Variants in SPATA2L observed in about 807,000 individuals in gnomAD.
The protein encoded by SPATA2L is spermatogenesis associated 2 like, also known as spermatogenesis-associated protein 2-like protein.
A neutral mutation model predicts 8.7 loss-of-function variants in SPATA2L; 5 were observed. That is an observed-to-expected ratio of 0.57 (90% CI 0.30 to 1.21). The LOEUF (loss-of-function observed/expected upper bound fraction) is 1.21, where lower values mean the gene tolerates loss of function less well. SPATA2L is among the 50% of genes most tolerant of loss of function. The probability of loss-of-function intolerance (pLI) is 0.07; values close to 1 mark genes in which losing one functional copy is unlikely to be tolerated. For synonymous variants in SPATA2L, 358 were observed against 275.8 expected, an observed-to-expected ratio of 1.30 and a Z score of -2.95; for missense variants, 671 against 591.0, an observed-to-expected ratio of 1.14 and a Z score of -1.40.
At position 89,698,172 on chromosome 16, in the gene SPATA2L, CA is replaced by C. The variant is rs2060750013; in HGVS notation, c.436del (p.Cys146AlafsTer171). On this transcript the variant is annotated frameshift_variant, in exon 3 of 3. Coordinates refer to ENST00000289805, the MANE Select transcript of SPATA2L (RefSeq NM_152339.4). LOFTEE classifies it low-confidence loss of function (END_TRUNC). ...GCCCAGGGCCACCTGCACCAGCTGG[CA>C]GGCGGGGGGCAGGGCGGTCACCATG... ...RLMVTALPPA[C>X]QLVQVALGCF... 1 of 1,612,482 alleles carries C rather than the reference CA, an allele frequency of 6.2e-7. No individual in the cohort carries two copies. The highest frequency in any genetic ancestry group is 1.3e-5 in the African/African-American group (1 of 74,934).
In SPATA2L at chr16:89,697,192, G is replaced by A. The variant is rs1158169050; in HGVS notation, c.*142C>T. On this transcript the variant is annotated 3_prime_UTR_variant, in exon 3 of 3. Coordinates refer to ENST00000289805, the MANE Select transcript of SPATA2L (RefSeq NM_152339.4). ...TACAGAGAGTCCCACCTCCAGCAAGGGTTGGCCTGGACTCTCCAACCCCCT... is the reference window on the plus strand; with the variant it reads ...TACAGAGAGTCCCACCTCCAGCAAGAGTTGGCCTGGACTCTCCAACCCCCT... The A allele has an allele frequency of 2.2e-6, 3 of 1,377,766 alleles. No homozygotes were observed. Among genetic ancestry groups the A allele is most frequent in the East Asian group, 2.6e-5 (1 of 38,102 alleles). The allele number at this position is 1,377,766 out of a possible 1,614,324, so 85.3% of individuals were successfully genotyped here.
rs911405599 is a variant in SPATA2L, at chr16:89,696,707, C to T, written c.*627G>A. ...GCCTTCCCAGCTGTCAGCCACTGCCCGTTCCTGCGCCTCTCGTGCACCTCC... is the reference window on the plus strand; with the variant it reads ...GCCTTCCCAGCTGTCAGCCACTGCCTGTTCCTGCGCCTCTCGTGCACCTCC... On this transcript the variant is annotated 3_prime_UTR_variant, in exon 3 of 3. Transcript: ENST00000289805. 26 of 1,362,832 alleles carry T rather than the reference C, an allele frequency of 1.9e-5. No individual in the cohort carries two copies. The highest frequency in any genetic ancestry group is 7.2e-5 in the African/African-American group (5 of 69,704). 84.4% of individuals were successfully genotyped at this position (1,362,832 alleles called of 1,614,324 possible). A position where few individuals can be genotyped will look rare whatever the true frequency, so the allele number is the denominator to read the frequency against.
Position 89,701,546 on chromosome 16 carries a change from C to T in SPATA2L, c.-2+82G>A, listed in dbSNP as rs913118407. 56 of 336,436 alleles carry T rather than the reference C, an allele frequency of 1.7e-4. No homozygotes were observed. The East Asian group carries it at 2.5e-3, about 15-fold the overall frequency. 20.8% of individuals were successfully genotyped at this position (336,436 alleles called of 1,614,324 possible). The stretch of plus-strand genomic sequence containing the variant: ...GACCGCACCCTTCTCTAGAGACGCG[C>T]TTCCGCCCGCTGAGCCCTCTCCCGA... On this transcript the variant is annotated intron_variant, in intron 1 of 2. Transcript: ENST00000289805.
chr16:89,696,654 C>A lies in SPATA2L; in HGVS notation c.*680G>T, dbSNP rs959732709. 3 of 962,102 alleles carry A rather than the reference C, an allele frequency of 3.1e-6. No homozygotes were observed. The highest frequency in any genetic ancestry group is 4.5e-6 in the Non-Finnish European group (3 of 661,446). 59.6% of individuals were successfully genotyped at this position (962,102 alleles called of 1,614,324 possible). On this transcript the variant is annotated 3_prime_UTR_variant, in exon 3 of 3. Coordinates refer to ENST00000289805, the MANE Select transcript of SPATA2L (RefSeq NM_152339.4). ...CGCCTGGGCGGGCTGTCCACAGGCC[C>A]TTCCGCCCAGCAGCAGTGACGCTCA...
Position 89,697,915 on chromosome 16 carries a change from G to C in SPATA2L, c.694C>G (p.Gln232Glu). ...GCGTCCTCCGACCCCTCGTCTTCCTGCAAGTCCCGGTATAAGTCCAGTGGG... is the reference window on the plus strand; with the variant it reads ...GCGTCCTCCGACCCCTCGTCTTCCTCCAAGTCCCGGTATAAGTCCAGTGGG... ...RAPLDLYRDLQEDEGSEDASL... is the reference protein window; with the variant it reads ...RAPLDLYRDLEEDEGSEDASL... The change falls in exon 3 of 3, where the codon CAG becomes GAG. Residue 232 changes from glutamine to glutamate, a missense_variant. Coordinates refer to ENST00000289805, the MANE Select transcript of SPATA2L (RefSeq NM_152339.4). 2 of 1,611,514 alleles carry C rather than the reference G, an allele frequency of 1.2e-6. No individual in the cohort carries two copies. The highest frequency in any genetic ancestry group is 1.7e-6 in the Non-Finnish European group (2 of 1,179,512).
rs2060734000 is a variant in SPATA2L, at chr16:89,696,950, A to C, written c.*384T>G. On this transcript the variant is annotated 3_prime_UTR_variant, in exon 3 of 3. Transcript: ENST00000289805. ...CCCTGGGACACGTGGAGGACCCCCA[A>C]GTCCTGAGCCCCGTACTCCGTACTG... 3 of 1,504,536 alleles carry C rather than the reference A, an allele frequency of 2.0e-6. No homozygotes were observed. Among genetic ancestry groups the C allele is most frequent in the South Asian group, 1.3e-5 (1 of 79,946 alleles). 93.2% of individuals were successfully genotyped at this position (1,504,536 alleles called of 1,614,324 possible). A position where few individuals can be genotyped will look rare whatever the true frequency, so the allele number is the denominator to read the frequency against.
chr16:89,700,786 C>G (rs1007793999), intron 2 of SPATA2L, 144 bp downstream of exon 2: 3 of 944,812 alleles, frequency 3.2e-6, no homozygotes, highest in African/African-American at 3.5e-5. Context: ...CACGACCCCT[C>G]AGCGCTCGGA....
In SPATA2L at chr16:89,701,277, G is replaced by A. The variant is rs922587154; in HGVS notation, c.-1-44C>T. On this transcript the variant is annotated intron_variant, in intron 1 of 2. Coordinates refer to ENST00000289805, the MANE Select transcript of SPATA2L (RefSeq NM_152339.4). ...GGGGGGGTCAGGGACCTAAGGCCGC[G>A]CCCAGCCCGCCGCGCTCTCCCCGAA... 3.6e-4 allele frequency: 482 copies of A among 1,351,454 alleles called. 2 individuals carry two copies. Among genetic ancestry groups the A allele is most frequent in the Middle Eastern group, 5.5e-4 (2 of 3,652 alleles). The allele number at this position is 1,351,454 out of a possible 1,614,324, so 83.7% of individuals were successfully genotyped here. A position where few individuals can be genotyped will look rare whatever the true frequency, so the allele number is the denominator to read the frequency against.
At position 89,700,984 on chromosome 16, in the gene SPATA2L, G is replaced by T; in HGVS notation, c.249C>A (p.Leu83=). ...GLARAFELLE[L]AAVHLYLLPW... ...GCAGCAGGTACAGGTGCACCGCGGC[G>T]AGCTCCAGAAGCTCGAAGGCGCGAG... is the stretch of plus-strand genomic sequence containing the variant. The change falls in exon 2 of 3, where the codon CTC becomes CTA. Residue 83 remains leucine (L), a synonymous_variant. Transcript: ENST00000289805. 6.4e-7 allele frequency: 1 copy of T among 1,561,316 alleles called. No homozygotes were observed. The highest frequency in any genetic ancestry group is 8.7e-7 in the Non-Finnish European group (1 of 1,155,178).
chr16:89,699,870 TACACTTAGGTGA>T (rs1804196835), intron 2 of SPATA2L, among the ~76,000 whole-genome samples: 1 of 152,204 alleles, frequency 6.6e-6, no homozygotes, highest in Non-Finnish European at 1.5e-5. Context: ...CTTTCTAGCC[TACACTTAGGTGA>T]AGAACTAAAG....
At position 89,696,649 on chromosome 16, in the gene SPATA2L, A is replaced by G. The variant is rs1439566667; in HGVS notation, c.*685T>C. On this transcript the variant is annotated 3_prime_UTR_variant, in exon 3 of 3. Coordinates refer to ENST00000289805, the MANE Select transcript of SPATA2L (RefSeq NM_152339.4). The stretch of plus-strand genomic sequence containing the variant: ...CCCGCCGCCTGGGCGGGCTGTCCAC[A>G]GGCCCTTCCGCCCAGCAGCAGTGAC... The G allele has an allele frequency of 3.4e-6, 3 of 885,010 alleles. No individual in the cohort carries two copies. The highest frequency in any genetic ancestry group is 5.6e-5 in the East Asian group (2 of 35,986). The allele number at this position is 885,010 out of a possible 1,614,324, so 54.8% of individuals were successfully genotyped here.
intron 2 of SPATA2L, among the ~76,000 whole-genome samples, chr16:89,698,791 A>ATT (rs71137669): frequency 3.0e-5 from 4 of 131,982 alleles, no homozygotes; most frequent in African/African-American, 2.8e-5. Flanking sequence ...CCGGCCTAGA[A>ATT]TTTTTTTTTT....
chr16:89,697,966 G>T lies in SPATA2L; in HGVS notation c.643C>A (p.Arg215=), dbSNP rs368444058. 4 of 1,604,242 alleles carry T rather than the reference G, an allele frequency of 2.5e-6. No individual in the cohort carries two copies. The African/African-American group carries it at 4.0e-5, about 16-fold the overall frequency. The change falls in exon 3 of 3, where the codon CGA becomes AGA. Residue 215 remains arginine, a synonymous_variant. Transcript: ENST00000289805. Reference sequence around the variant, plus strand: ...GCCCTGTAAGCAGCAGGGGAGCCTCGGGGGGGCAGGGGTGGCGGCTCCTCA... The same window carrying T: ...GCCCTGTAAGCAGCAGGGGAGCCTCTGGGGGGCAGGGGTGGCGGCTCCTCA... ...QDEEPPPLPP[R]GSPAAYRAPL...
chr16:89,698,384 T>C, intron 2 of SPATA2L, 79 bp from the exon 3 acceptor site: 1 of 1,470,358 alleles, frequency 6.8e-7, no homozygotes, highest in Non-Finnish European at 9.0e-7. Flanking sequence ...CCGGGATCTG[T>C]TGGCTCAGGC....
chr16:89,697,018 C>A lies in SPATA2L; in HGVS notation c.*316G>T. On this transcript the variant is annotated 3_prime_UTR_variant, in exon 3 of 3. Coordinates refer to ENST00000289805, the MANE Select transcript of SPATA2L (RefSeq NM_152339.4). ...GCCACGGGCCTTGGGGCACAGGGTC[C>A]TTCTCAGGGACAGGTTCAGGCACTG... is the stretch of plus-strand genomic sequence containing the variant. The A allele has an allele frequency of 7.0e-7, 1 of 1,418,940 alleles. No individual in the cohort carries two copies. 87.9% of individuals were successfully genotyped at this position (1,418,940 alleles called of 1,614,324 possible). A position where few individuals can be genotyped will look rare whatever the true frequency, so the allele number is the denominator to read the frequency against.
Position 89,696,613 on chromosome 16 carries a change from CCCA to C in SPATA2L, c.*718_*720del. On this transcript the variant is annotated 3_prime_UTR_variant, in exon 3 of 3. Coordinates refer to ENST00000289805, the MANE Select transcript of SPATA2L (RefSeq NM_152339.4). ...GGGGAGGGGCACCATTACCACTGGACCCACCAAGACCCCGCCGCCTGGGCGGGC... is the reference window on the plus strand; with the variant it reads ...GGGGAGGGGCACCATTACCACTGGACCCAAGACCCCGCCGCCTGGGCGGGC... 1.6e-6 allele frequency: 1 copy of C among 608,760 alleles called. No individual in the cohort carries two copies. Among genetic ancestry groups the C allele is most frequent in the Non-Finnish European group, 2.8e-6 (1 of 355,612 alleles). 37.7% of individuals were successfully genotyped at this position (608,760 alleles called of 1,614,324 possible).
chr16:89,698,171 G>A lies in SPATA2L; in HGVS notation c.438C>T (p.Cys146=), dbSNP rs1239412705. The A allele has an allele frequency of 6.2e-7, 1 of 1,612,662 alleles. No homozygotes were observed. Among genetic ancestry groups the A allele is most frequent in the Non-Finnish European group, 8.5e-7 (1 of 1,179,838 alleles). ...RLMVTALPPA[C]QLVQVALGCF... ...AGCCCAGGGCCACCTGCACCAGCTG[G>A]CAGGCGGGGGGCAGGGCGGTCACCA... is the stretch of plus-strand genomic sequence containing the variant. The change falls in exon 3 of 3, where the codon TGC becomes TGT. Residue 146 remains cysteine, a synonymous_variant. Coordinates refer to ENST00000289805, the MANE Select transcript of SPATA2L (RefSeq NM_152339.4).
rs772553388 is a variant in SPATA2L at position 89,697,355 on chromosome 16, G to A, written c.1254C>T (p.Asn418=). Residue 418 remains asparagine (N), a synonymous_variant, in exon 3 of 3, where the codon AAC becomes AAT. Transcript: ENST00000289805. ...TGGCCTAGGGCCGGGCCCCGGGGCT[G>A]TTGTAGAGCAGAGTGTCCATCTGTG... The part of the protein sequence containing the change: ...QRAQMDTLLY[N]SPGARP 5.9e-6 allele frequency: 9 copies of A among 1,536,502 alleles called. No homozygotes were observed. In the South Asian group the frequency reaches 7.5e-5, roughly 13 times the overall value.
intron 2 of SPATA2L, among the ~76,000 whole-genome samples, chr16:89,698,842 C>T (rs1268796913): frequency 6.7e-6 from 1 of 149,438 alleles, no homozygotes. Context: ...GTCTGGAGTA[C>T]AGTGGCACGA....
Sources: gnomAD v4.1 joint callset for allele counts (sites outside exome capture counted in the v4.1 genomes callset) on GRCh38, gnomAD v4.1.1 for gene constraint, MANE v1.5 for transcripts, NCBI Gene and HGNC (gene_info 2026-07-23, HGNC 2026-07-21) for gene names.